The following IQCM variants were observed in gnomAD, a reference collection of about 807,000 sequenced individuals.
IQCM encodes the protein IQ motif containing M, also known as IQ domain-containing protein M.
In IQCM, 45 loss-of-function variants were observed where a neutral mutation model predicts 57.6. The ratio of observed to expected loss-of-function variants is 0.78; its 90% confidence interval spans 0.62 to 1.00. The LOEUF (loss-of-function observed/expected upper bound fraction) is 1.00. Ranked by LOEUF, IQCM falls within the 50% of genes least tolerant of loss-of-function variation. The pLI is 0.00. For synonymous variants in IQCM, 148 were observed against 158.9 expected (o/e 0.93, Z 0.51); for missense variants, 468 against 511.6 (o/e 0.91, Z 0.82).
At chr4:149,512,664 T>C (rs1053780743) in intron 12 of IQCM, among the ~76,000 whole-genome samples, 3 of 152,202 alleles carry the variant, frequency 2.0e-5, no homozygotes, top group African/African-American at 7.2e-5. Context: ...GCAGCTCATA[T>C]TACTGCTGAC....
intron 13 of IQCM, among the ~76,000 whole-genome samples, chr4:149,372,132 C>G (rs1359210964): frequency 1.3e-5 from 2 of 152,160 alleles, no homozygotes; most frequent in African/African-American, 2.4e-5. Context: ...AATGCCAAAG[C>G]TTGAGCTTTA....
intron 5 of IQCM, among the ~76,000 whole-genome samples, chr4:149,728,747 C>T (rs556456792): frequency 2.2e-3 from 338 of 152,268 alleles, no homozygotes; most frequent in Admixed American, 3.7e-3. Flanking sequence ...GCATCTATCC[C>T]GTCTCTGCTA....
At chr4:149,435,391 A>G (rs936315075) in intron 12 of IQCM, among the ~76,000 whole-genome samples, 3 of 152,074 alleles carry the variant, frequency 2.0e-5, no homozygotes, top group African/African-American at 7.2e-5. Context: ...AGCACAATGA[A>G]TTACTCACAT....
chr4:149,409,508 C>A (rs937991180), intron 13 of IQCM, among the ~76,000 whole-genome samples: 1 of 152,208 alleles, frequency 6.6e-6, no homozygotes. Flanking sequence ...AACTGGCAAA[C>A]AACAAAACAA....
intron 13 of IQCM, among the ~76,000 whole-genome samples, chr4:149,403,025 A>C (rs1240792372): frequency 6.6e-6 from 1 of 151,960 alleles, no homozygotes; most frequent in African/African-American, 2.4e-5. Context: ...TCACTTATAA[A>C]ATAATTTATC....
At chr4:149,407,750 G>C (rs1201833457) in intron 13 of IQCM, among the ~76,000 whole-genome samples, 1 of 152,086 alleles carries the variant, frequency 6.6e-6, no homozygotes, top group Admixed American at 6.6e-5. Context: ...CAGTCAGTTT[G>C]GAACAGTTGA....
chr4:149,416,118 T>G (rs72724076), intron 13 of IQCM, among the ~76,000 whole-genome samples: 6 of 152,084 alleles, frequency 3.9e-5, no homozygotes, highest in Non-Finnish European at 7.4e-5. Flanking sequence ...TTATGACCCA[T>G]AAAAAAACCT....
chr4:149,528,394 G>T (rs1345498277), intron 12 of IQCM, among the ~76,000 whole-genome samples: 1 of 136,504 alleles, frequency 7.3e-6, no homozygotes, highest in Non-Finnish European at 1.7e-5. Context: ...TCAATTCTTT[G>T]AGTTAAGGCA....
rs1169870573 is a variant in IQCM, at chr4:149,369,036, GTA to G, written c.1391-16972_1391-16971del. On this transcript the variant is annotated intron_variant, in intron 13 of 13. Coordinates refer to ENST00000636793, the MANE Select transcript of IQCM (RefSeq NM_001363507.2). ...CGTGTATATATATATATATACATGT[GTA>G]TATATATATATGTATTTTTTTTTTG... Among the ~76,000 whole-genome samples the G allele has an allele frequency of 3.3e-5, 2 of 60,626 alleles. 1 individual carries two copies. The allele number at this position is 60,626 out of a possible 152,430, so 39.8% of individuals were successfully genotyped here. A position where few individuals can be genotyped will look rare whatever the true frequency, so the allele number is the denominator to read the frequency against.
At position 149,670,567 on chromosome 4, in the gene IQCM, G is replaced by T. The variant is rs1165164695; in HGVS notation, c.565+11551C>A. 3.9e-5 allele frequency among the ~76,000 whole-genome samples: 6 copies of T among 152,256 alleles called. No homozygotes were observed. In the East Asian group the frequency reaches 1.2e-3, roughly 30 times the overall value. On this transcript the variant is annotated intron_variant, in intron 7 of 13. Coordinates refer to ENST00000636793, the MANE Select transcript of IQCM (RefSeq NM_001363507.2). Reference sequence around the variant, plus strand: ...CCTGTCTTGTGCCAGTTTTCAAAGGGAATGTTTCCAGTTTTTGCTCATTCA... The same window carrying T: ...CCTGTCTTGTGCCAGTTTTCAAAGGTAATGTTTCCAGTTTTTGCTCATTCA...
At chr4:149,491,378 C>T (rs954835333) in intron 12 of IQCM, among the ~76,000 whole-genome samples, 2 of 152,052 alleles carry the variant, frequency 1.3e-5, no homozygotes, top group Admixed American at 6.6e-5. Context: ...AACTTTTGAA[C>T]TTATTATTCC....
intron 7 of IQCM, among the ~76,000 whole-genome samples, chr4:149,673,415 G>A (rs1173559345): frequency 6.6e-6 from 1 of 151,946 alleles, no homozygotes; most frequent in Non-Finnish European, 1.5e-5. Flanking sequence ...TCAAAATAAA[G>A]GGATGGAGGA....
chr4:149,469,930 T>G (rs989574533), intron 12 of IQCM, among the ~76,000 whole-genome samples: 4 of 152,028 alleles, frequency 2.6e-5, no homozygotes, highest in African/African-American at 9.7e-5. Flanking sequence ...GGCTGAGAGA[T>G]TTTGTCACCA....
At chr4:149,511,649 T>C (rs1468838713) in intron 12 of IQCM, among the ~76,000 whole-genome samples, 1 of 152,166 alleles carries the variant, frequency 6.6e-6, no homozygotes. Context: ...TCCCATGGCA[T>C]GTTGTCCTCC....
chr4:149,484,725 C>T (rs1433838268), intron 12 of IQCM, among the ~76,000 whole-genome samples: 1 of 151,990 alleles, frequency 6.6e-6, no homozygotes, highest in Non-Finnish European at 1.5e-5. Context: ...CTACTTAAGA[C>T]AAGAATAGCT....
At chr4:149,394,244 T>C (rs1229446677) in intron 13 of IQCM, among the ~76,000 whole-genome samples, 21 of 152,132 alleles carry the variant, frequency 1.4e-4, no homozygotes, top group Non-Finnish European at 1.5e-4. Context: ...CTTAAATGTC[T>C]GAAAATTTTT....
chr4:149,612,978 C>G (rs1000943759), intron 8 of IQCM, among the ~76,000 whole-genome samples: 1 of 152,058 alleles, frequency 6.6e-6, no homozygotes, highest in Non-Finnish European at 1.5e-5. Flanking sequence ...TCCAACCCCA[C>G]TATAGAATTT....
intron 12 of IQCM, among the ~76,000 whole-genome samples, chr4:149,510,973 T>A (rs1744348458): frequency 6.6e-6 from 1 of 152,232 alleles, no homozygotes; most frequent in Non-Finnish European, 1.5e-5. Context: ...ACTTTTTTTA[T>A]AATCAAATGC....
At chr4:149,546,132 T>A (rs945050362) in intron 12 of IQCM, among the ~76,000 whole-genome samples, 1 of 152,212 alleles carries the variant, frequency 6.6e-6, no homozygotes, top group Non-Finnish European at 1.5e-5. Context: ...ACCATGTCCC[T>A]ACAAAGGACA....
Sources: gnomAD v4.1 joint callset for allele counts (sites outside exome capture counted in the v4.1 genomes callset) on GRCh38, gnomAD v4.1.1 for gene constraint, MANE v1.5 for transcripts, NCBI Gene and HGNC (gene_info 2026-07-23, HGNC 2026-07-21) for gene names.